DRC8: variants seen among roughly 807,000 people sequenced by gnomAD.
DRC8 encodes dynein regulatory complex subunit 8.
the DRC8 span, among the ~76,000 whole-genome samples, chr1:245,105,250 G>A: frequency 6.6e-6 from 1 of 152,086 alleles, no homozygotes; most frequent in Non-Finnish European, 1.5e-5. Flanking sequence ...CTCAGTAGCT[G>A]TCAGCCTGAT....
chr1:245,100,395 G>GTAATAATAATAATAATAATAATAATAA, the DRC8 span, among the ~76,000 whole-genome samples: 1,493 of 149,254 alleles, frequency 0.01, 31 homozygotes, highest in African/African-American at 0.035. Context: ...AAAAGTAGTA[G>GTAATAATAATAATAATAATAATAATAA]TAATAATAAT....
the DRC8 span, among the ~76,000 whole-genome samples, chr1:244,997,082 GA>G: frequency 6.6e-6 from 1 of 151,998 alleles, no homozygotes; most frequent in African/African-American, 2.4e-5. Flanking sequence ...TAATGATAAG[GA>G]AAAAAGACTG....
the DRC8 span, among the ~76,000 whole-genome samples, chr1:245,033,777 A>G: frequency 1.3e-5 from 2 of 150,486 alleles, no homozygotes; most frequent in African/African-American, 4.9e-5. Flanking sequence ...GCTGGAGTGC[A>G]GTGGCGCAAT....
At chr1:245,064,108 G>A in the DRC8 span, among the ~76,000 whole-genome samples, 1 of 152,164 alleles carries the variant, frequency 6.6e-6, no homozygotes, top group Non-Finnish European at 1.5e-5. Context: ...GCTGTAATGC[G>A]AATCAGGTGT....
At chr1:244,986,183 G>C in the DRC8 span, among the ~76,000 whole-genome samples, 27 of 151,680 alleles carry the variant, frequency 1.8e-4, no homozygotes, top group African/African-American at 6.5e-4. Flanking sequence ...TTGAACTCCT[G>C]ACCTCAGGTG....
chr1:245,015,335 G>A, the DRC8 span, among the ~76,000 whole-genome samples: 1 of 152,114 alleles, frequency 6.6e-6, no homozygotes, highest in Non-Finnish European at 1.5e-5. Context: ...AAACACCTTG[G>A]AGTTGGCCTT....
At chr1:245,087,446 A>G in the DRC8 span, 5 of 1,469,184 alleles carry the variant, frequency 3.4e-6, no homozygotes, top group Admixed American at 3.0e-5. Flanking sequence ...TAGGATTCCT[A>G]TATGTGATAT....
At chr1:245,051,456 A>G in the DRC8 span, among the ~76,000 whole-genome samples, 1 of 151,962 alleles carries the variant, frequency 6.6e-6, no homozygotes, top group African/African-American at 2.4e-5. Flanking sequence ...GCTTGGGGGT[A>G]GGGGACAGTA....
At chr1:244,991,103 G>A in the DRC8 span, among the ~76,000 whole-genome samples, 70 of 152,268 alleles carry the variant, frequency 4.6e-4, no homozygotes, top group Middle Eastern at 0.01. Flanking sequence ...AGTTAGATGT[G>A]GCTACAAATT....
the DRC8 span, among the ~76,000 whole-genome samples, chr1:244,979,136 G>A: frequency 6.6e-6 from 1 of 151,728 alleles, no homozygotes; most frequent in African/African-American, 2.4e-5. Flanking sequence ...GTAATTGCCT[G>A]TAGATGTGTT....
chr1:244,992,555 A>G, the DRC8 span, among the ~76,000 whole-genome samples: 1 of 152,148 alleles, frequency 6.6e-6, no homozygotes, highest in African/African-American at 2.4e-5. Flanking sequence ...CTTGGCCAAC[A>G]TGCTGAAACC....
chr1:245,121,262 G>A, the DRC8 span, among the ~76,000 whole-genome samples: 2 of 152,190 alleles, frequency 1.3e-5, no homozygotes, highest in Admixed American at 1.3e-4. Flanking sequence ...GACCATAGAT[G>A]TGATCGTTGC....
chr1:245,077,555 C>T, the DRC8 span, among the ~76,000 whole-genome samples: 1 of 152,084 alleles, frequency 6.6e-6, no homozygotes, highest in Non-Finnish European at 1.5e-5. Context: ...GAATAGAAAG[C>T]CTATAAATGA....
At chr1:245,111,965 T>C in the DRC8 span, among the ~76,000 whole-genome samples, 61,458 of 152,206 alleles carry the variant, frequency 0.4, 15,348 homozygotes, top group South Asian at 0.53. Flanking sequence ...GCCTAGGAAG[T>C]TGAGGCTGCA....
chr1:245,087,251 C>T, the DRC8 span: 5 of 1,602,938 alleles, frequency 3.1e-6, no homozygotes, highest in Non-Finnish European at 4.2e-6. Context: ...TGAGGTGAGC[C>T]TTTTTCTCAA....
chr1:245,037,971 A>G, the DRC8 span, among the ~76,000 whole-genome samples: 2 of 152,170 alleles, frequency 1.3e-5, no homozygotes, highest in East Asian at 1.9e-4. Context: ...AACTTGAAAT[A>G]TATAAAAATA....
the DRC8 span, among the ~76,000 whole-genome samples, chr1:244,981,926 A>G: frequency 6.6e-6 from 1 of 152,158 alleles, no homozygotes; most frequent in Admixed American, 6.5e-5. Flanking sequence ...AAGCTGAAAA[A>G]CACTTGTGAA....
chr1:245,099,470 C>G, the DRC8 span, among the ~76,000 whole-genome samples: 1 of 152,208 alleles, frequency 6.6e-6, no homozygotes, highest in African/African-American at 2.4e-5. Flanking sequence ...CCTTCTGATG[C>G]TGGGACGCAG....
the DRC8 span, among the ~76,000 whole-genome samples, chr1:245,073,391 C>T: frequency 1.3e-5 from 2 of 152,200 alleles, no homozygotes; most frequent in African/African-American, 4.8e-5. Flanking sequence ...CCACCTCGGC[C>T]TCCCAAAGTG....
Sources: gnomAD v4.1 joint callset for allele counts (sites outside exome capture counted in the v4.1 genomes callset) on GRCh38, gnomAD v4.1.1 for gene constraint, MANE v1.5 for transcripts, NCBI Gene and HGNC (gene_info 2026-07-23, HGNC 2026-07-21) for gene names.